Variants in GNAQ observed in about 807,000 individuals in gnomAD.
GNAQ encodes G protein subunit alpha q, also known as guanine nucleotide-binding protein G(q) subunit alpha.
Under a neutral mutation model 43.9 loss-of-function variants are expected in GNAQ, and 8 were observed. The ratio of observed to expected loss-of-function variants is 0.18; its 90% CI spans 0.11 to 0.33. The LOEUF is 0.33. GNAQ is among the 10% of genes least tolerant of loss of function. GNAQ has a pLI of 1.00. For synonymous variants in GNAQ, 155 were observed against 170.7 expected, an observed-to-expected ratio of 0.91 and a Z score of 0.71; for missense variants, 158 against 450.8, an observed-to-expected ratio of 0.35 and a Z score of 5.88.
At chr9:78,025,808 AAATT>A (rs1823972464) in intron 1 of GNAQ, among the ~76,000 whole-genome samples, 2 of 152,180 alleles carry the variant, frequency 1.3e-5, no homozygotes, top group Non-Finnish European at 2.9e-5. Flanking sequence ...CCTTAAAGAA[AAATT>A]AATATGAATG....
intron 2 of GNAQ, among the ~76,000 whole-genome samples, chr9:77,855,168 TG>T (rs1827732600): frequency 6.6e-6 from 1 of 152,024 alleles, no homozygotes; most frequent in East Asian, 1.9e-4. Context: ...TAAATTTATC[TG>T]AAAACATAAA....
At position 77,836,230 on chromosome 9, in the gene GNAQ, G is replaced by GC. The variant is rs200391317; in HGVS notation, c.322-20461dup. Among the ~76,000 whole-genome samples, 711 of 97,450 alleles carry GC rather than the reference G, an allele frequency of 7.3e-3. 6 individuals are homozygous for GC. Among genetic ancestry groups the GC allele is most frequent in the African/African-American group, 0.017 (629 of 37,148 alleles). The allele number at this position is 97,450 out of a possible 152,430, so 63.9% of individuals were successfully genotyped here. A position where few individuals can be genotyped will look rare whatever the true frequency, so the allele number is the denominator to read the frequency against. Reference sequence around the variant, plus strand: ...TATTTCCAACTCCCTATGATTAAAAGCCCCCCCCGGATCTGTCCAAGCTCT... The same window carrying GC: ...TATTTCCAACTCCCTATGATTAAAAGCCCCCCCCCGGATCTGTCCAAGCTCT... On this transcript the variant is annotated intron_variant, in intron 2 of 6. Transcript: ENST00000286548.
chr9:77,925,322 A>G (rs560415739), intron 1 of GNAQ, among the ~76,000 whole-genome samples: 5 of 152,208 alleles, frequency 3.3e-5, no homozygotes, highest in Non-Finnish European at 7.3e-5. Flanking sequence ...TCTTTTATTT[A>G]TAAAGTGTTT....
chr9:77,873,315 T>A (rs1245308125), intron 2 of GNAQ, among the ~76,000 whole-genome samples: 2 of 152,214 alleles, frequency 1.3e-5, no homozygotes, highest in Non-Finnish European at 2.9e-5. Flanking sequence ...TTTATTATCA[T>A]TTTTTAGGCT....
chr9:77,747,224 A>C (rs549398250), intron 5 of GNAQ, among the ~76,000 whole-genome samples: 1 of 152,140 alleles, frequency 6.6e-6, no homozygotes, highest in East Asian at 1.9e-4. Context: ...TATTCTAAGA[A>C]AATAATACAT....
intron 2 of GNAQ, among the ~76,000 whole-genome samples, chr9:77,847,054 C>A (rs1406520591): frequency 6.6e-6 from 1 of 152,108 alleles, no homozygotes; most frequent in East Asian, 1.9e-4. Flanking sequence ...AGCATCAATG[C>A]CAGATTAGTG....
At chr9:77,775,949 GA>G (rs1314452427) in intron 5 of GNAQ, among the ~76,000 whole-genome samples, 5 of 151,854 alleles carry the variant, frequency 3.3e-5, no homozygotes, top group Admixed American at 6.6e-5. Flanking sequence ...TAAAAGAAAA[GA>G]AAAAGAAAAA....
At chr9:77,729,689 C>T (rs116785089) in intron 5 of GNAQ, among the ~76,000 whole-genome samples, 1,701 of 152,308 alleles carry the variant, frequency 0.011, 25 homozygotes, top group African/African-American at 0.039. Flanking sequence ...GGGCATGCTT[C>T]ATCCTGCACA....
intron 5 of GNAQ, among the ~76,000 whole-genome samples, chr9:77,773,272 T>TTC (rs2118378129): frequency 6.6e-6 from 1 of 152,234 alleles, no homozygotes; most frequent in African/African-American, 2.4e-5. Context: ...AATCAAAGAG[T>TTC]TCTCTTAAGA....
chr9:77,862,008 TAAAAAAAAAAAA>T, intron 2 of GNAQ, among the ~76,000 whole-genome samples: 1 of 118,100 alleles, frequency 8.5e-6, no homozygotes, highest in South Asian at 2.6e-4. Flanking sequence ...CTGTCTGGGG[TAAAAAAAAAAAA>T]AAAAAAAAAA....
At chr9:77,880,555 G>GTTTTTTTTTT (rs55926441) in intron 2 of GNAQ, among the ~76,000 whole-genome samples, 10 of 141,360 alleles carry the variant, frequency 7.1e-5, no homozygotes, top group East Asian at 2.1e-4. Flanking sequence ...GATTTTTTCT[G>GTTTTTTTTTT]TTTTTTTTTT....
In GNAQ at chr9:77,955,747, C is replaced by T. The variant is rs370488246; in HGVS notation, c.137-33402G>A. 1.1e-4 allele frequency among the ~76,000 whole-genome samples: 17 copies of T among 152,300 alleles called. No homozygotes were observed. In the South Asian group the frequency reaches 3.5e-3, roughly 32 times the overall value. On this transcript the variant is annotated intron_variant, in intron 1 of 6. Coordinates refer to ENST00000286548, the MANE Select transcript of GNAQ (RefSeq NM_002072.5). ...TTTGATAGCTATTATAAACCTTTAG[C>T]TTTACAGGAACATTAACTCTAAACC...
chr9:77,954,898 G>T (rs1289873363), intron 1 of GNAQ, among the ~76,000 whole-genome samples: 4 of 152,132 alleles, frequency 2.6e-5, no homozygotes, highest in Non-Finnish European at 4.4e-5. Flanking sequence ...GTAGTCACCA[G>T]AGAAAATTCC....
intron 3 of GNAQ, 96 bp downstream of exon 3, chr9:77,815,520 C>A: frequency 1.3e-6 from 1 of 741,128 alleles, no homozygotes; most frequent in Non-Finnish European, 2.2e-6. Context: ...TCATATATGA[C>A]ATATACAGGA....
chr9:77,807,319 T>C (rs1301867170), intron 3 of GNAQ, among the ~76,000 whole-genome samples: 1 of 152,160 alleles, frequency 6.6e-6, no homozygotes, highest in Non-Finnish European at 1.5e-5. Flanking sequence ...GCATGTTCTA[T>C]TAGCCCTCTT....
At chr9:77,775,222 G>T (rs2118383923) in intron 5 of GNAQ, among the ~76,000 whole-genome samples, 1 of 152,184 alleles carries the variant, frequency 6.6e-6, no homozygotes, top group East Asian at 1.9e-4. Context: ...ACAACTTTGA[G>T]CAATGTTGTC....
At chr9:77,922,727 G>T (rs1165418302) in intron 1 of GNAQ, among the ~76,000 whole-genome samples, 1 of 152,140 alleles carries the variant, frequency 6.6e-6, no homozygotes, top group Non-Finnish European at 1.5e-5. Flanking sequence ...CAGGACACTG[G>T]GTTGATTAGC....
chr9:77,903,812 A>G (rs997342934), intron 2 of GNAQ, among the ~76,000 whole-genome samples: 1 of 152,126 alleles, frequency 6.6e-6, no homozygotes, highest in African/African-American at 2.4e-5. Flanking sequence ...GTGAACTGCC[A>G]GTTTTCTAAC....
At chr9:78,016,848 C>G (rs10870009) in intron 1 of GNAQ, among the ~76,000 whole-genome samples, 2 of 151,910 alleles carry the variant, frequency 1.3e-5, no homozygotes, top group Admixed American at 6.5e-5. Context: ...AAAATGAATA[C>G]TGATTCAATA....
Sources: gnomAD v4.1 joint callset for allele counts (sites outside exome capture counted in the v4.1 genomes callset) on GRCh38, gnomAD v4.1.1 for gene constraint, MANE v1.5 for transcripts, NCBI Gene and HGNC (gene_info 2026-07-23, HGNC 2026-07-21) for gene names.